The following CDH2 variants were observed in gnomAD, a reference collection of about 807,000 sequenced individuals.
CDH2 encodes cadherin-2.
Under a neutral mutation model 92.0 loss-of-function variants are expected in CDH2, and 17 were observed. The observed-to-expected ratio is 0.18, with a 90% CI of 0.13 to 0.28. CDH2 has a LOEUF of 0.28. Ranked by LOEUF, CDH2 falls within the 10% of genes least tolerant of loss-of-function variation. The pLI, the probability that CDH2 is intolerant of heterozygous loss-of-function variation, is 1.00. For missense variants in CDH2, 862 were observed against 1,133.1 expected (o/e 0.76, Z 3.44); for synonymous variants, 419 against 415.9 (o/e 1.01, Z -0.09).
intron 2 of CDH2, among the ~76,000 whole-genome samples, chr18:28,112,635 T>G (rs1599109736): frequency 6.6e-6 from 1 of 152,204 alleles, no homozygotes; most frequent in African/African-American, 2.4e-5. Flanking sequence ...TTTACTACCA[T>G]GAAGTATGTA....
At chr18:28,116,727 T>C (rs1054834685) in intron 2 of CDH2, among the ~76,000 whole-genome samples, 6 of 152,174 alleles carry the variant, frequency 3.9e-5, no homozygotes, top group Admixed American at 1.3e-4. Flanking sequence ...ATCAGTGTAA[T>C]ACAATGAATG....
chr18:28,022,297 G>A (rs1471032471), intron 2 of CDH2, among the ~76,000 whole-genome samples: 3 of 151,842 alleles, frequency 2.0e-5, no homozygotes, highest in Admixed American at 1.3e-4. Flanking sequence ...TCTATACAGA[G>A]CTTGGTGAAA....
At chr18:28,137,780 T>C (rs1439281701) in intron 2 of CDH2, among the ~76,000 whole-genome samples, 1 of 152,064 alleles carries the variant, frequency 6.6e-6, no homozygotes, top group Non-Finnish European at 1.5e-5. Flanking sequence ...ATAATTTTTA[T>C]TTTTTTGTTA....
At chr18:28,027,191 C>A (rs975148608) in intron 2 of CDH2, among the ~76,000 whole-genome samples, 2 of 152,044 alleles carry the variant, frequency 1.3e-5, no homozygotes, top group Non-Finnish European at 2.9e-5. Flanking sequence ...TAGTGTGGCA[C>A]ATCCTAGCCC....
chr18:28,025,253 C>T (rs2013519188), intron 2 of CDH2, among the ~76,000 whole-genome samples: 1 of 152,118 alleles, frequency 6.6e-6, no homozygotes, highest in Admixed American at 6.6e-5. Context: ...CGCAGTGGCT[C>T]ACGCCTTTAA....
At chr18:28,077,890 C>CAA (rs71171659) in intron 2 of CDH2, among the ~76,000 whole-genome samples, 13 of 67,314 alleles carry the variant, frequency 1.9e-4, no homozygotes, top group South Asian at 6.2e-4. Context: ...GACCCTGTCT[C>CAA]AAAAAAAAAA....
At chr18:27,958,505 A>G (rs1435075784) in intron 15 of CDH2, among the ~76,000 whole-genome samples, 1 of 97,472 alleles carries the variant, frequency 1.0e-5, no homozygotes, top group Non-Finnish European at 2.9e-5. Context: ...ACATATTTAT[A>G]TATGTATATA....
intron 2 of CDH2, among the ~76,000 whole-genome samples, chr18:28,144,370 G>T (rs1433577662): frequency 4.6e-5 from 6 of 131,738 alleles, no homozygotes; most frequent in Non-Finnish European, 9.4e-5. Context: ...AAAAAGGAAT[G>T]ATTTTTCACC....
At chr18:28,016,099 C>A (rs2013238883) in intron 2 of CDH2, among the ~76,000 whole-genome samples, 6 of 152,192 alleles carry the variant, frequency 3.9e-5, no homozygotes, top group Admixed American at 3.9e-4. Context: ...TCGGCCTATG[C>A]CCTCATTTGG....
At position 28,009,747 on chromosome 18, in the gene CDH2, G is replaced by A; in HGVS notation, c.672C>T (p.Pro224=). The A allele has an allele frequency of 1.2e-6, 2 of 1,613,874 alleles. No individual in the cohort carries two copies. The highest frequency in any genetic ancestry group is 1.7e-6 in the Non-Finnish European group (2 of 1,179,944). Residue 224 remains proline, a synonymous_variant, in exon 5 of 16, where the codon CCC becomes CCT. Transcript: ENST00000269141. The part of the protein sequence containing the change: ...PISGQLSVTK[P]LDREQIARFH... ...ACCGGGCTATCTGCTCGCGATCCAGGGGCTTTGTCACCGACAGCTGACCCG... is the reference window on the plus strand; with the variant it reads ...ACCGGGCTATCTGCTCGCGATCCAGAGGCTTTGTCACCGACAGCTGACCCG...
chr18:27,984,721 G>A (rs1295830515), intron 13 of CDH2, among the ~76,000 whole-genome samples: 7 of 152,154 alleles, frequency 4.6e-5, no homozygotes, highest in Admixed American at 2.0e-4. Context: ...TATGAAAAGC[G>A]TTTACTACAG....
At chr18:27,943,096 C>G (rs1225021371) in intron 6 of CDH2, among the ~76,000 whole-genome samples, 1 of 152,156 alleles carries the variant, frequency 6.6e-6, no homozygotes, top group African/African-American at 2.4e-5. Context: ...TTAGAATGAA[C>G]TAAATTAAAG....
At chr18:28,087,547 TG>T (rs1000227911) in intron 2 of CDH2, among the ~76,000 whole-genome samples, 1 of 152,070 alleles carries the variant, frequency 6.6e-6, no homozygotes, top group African/African-American at 2.4e-5. Flanking sequence ...TTTTTACTCC[TG>T]GGACAGTCTT....
chr18:27,997,290 TAATGA>T (rs1389533228), intron 7 of CDH2, among the ~76,000 whole-genome samples: 4 of 152,200 alleles, frequency 2.6e-5, no homozygotes, highest in Admixed American at 6.5e-5. Flanking sequence ...AGCAGACATT[TAATGA>T]AATGTCTTCA....
At chr18:27,948,793 G>C (rs1240842461), downstream of CDH2, among the ~76,000 whole-genome samples, 1 of 151,912 alleles carries the variant, frequency 6.6e-6, no homozygotes, top group South Asian at 2.1e-4. Flanking sequence ...TTGAGGATGA[G>C]TGTAAATATA....
At chr18:28,128,685 CAA>C (rs35960464) in intron 2 of CDH2, among the ~76,000 whole-genome samples, 14 of 113,812 alleles carry the variant, frequency 1.2e-4, no homozygotes, top group Non-Finnish European at 7.6e-5. Context: ...GACCCCGTCT[CAA>C]AAAAAAAAAA....
rs189125146 is a variant in CDH2 at position 27,954,856 on chromosome 18, G to C, written c.2515-2497C>G. 1.8e-3 allele frequency among the ~76,000 whole-genome samples: 268 copies of C among 152,192 alleles called. 1 individual carries two copies. The highest frequency in any genetic ancestry group is 3.2e-3 in the Non-Finnish European group (220 of 68,010). On this transcript the variant is annotated intron_variant, in intron 15 of 15. Transcript: ENST00000269141. ...TAGATCCAATGGCTGCCCTCGTGGA[G>C]TTAATATTCACATATTAGCCTACAC...
intron 2 of CDH2, among the ~76,000 whole-genome samples, chr18:28,049,499 C>T (rs897604098): frequency 3.9e-5 from 6 of 152,152 alleles, no homozygotes; most frequent in Admixed American, 6.5e-5. Context: ...ATTGATAACA[C>T]GGGTGGAAAA....
intron 2 of CDH2, among the ~76,000 whole-genome samples, chr18:28,050,378 C>T (rs2014166931): frequency 6.6e-6 from 1 of 152,168 alleles, no homozygotes; most frequent in Non-Finnish European, 1.5e-5. Flanking sequence ...GACTCTTCTA[C>T]ACCCACATAA....
Sources: allele counts gnomAD v4.1 joint callset (sites outside exome capture counted in the v4.1 genomes callset), GRCh38; gene constraint gnomAD v4.1.1; transcripts MANE v1.5; gene names NCBI Gene and HGNC (gene_info 2026-07-23, HGNC 2026-07-21).